GART: variants seen among roughly 807,000 people sequenced by gnomAD.
GART encodes phosphoribosylglycinamide formyltransferase, phosphoribosylglycinamide synthetase, phosphoribosylaminoimidazole synthetase.
Under a neutral mutation model 107.2 loss-of-function variants are expected in GART, and 43 were observed. The ratio of observed to expected loss-of-function variants is 0.40; its 90% CI spans 0.31 to 0.52. GART has a LOEUF of 0.52. Among genes scored for constraint, GART ranks in the 20% least tolerant of loss-of-function variants. The probability of loss-of-function intolerance (pLI) is 0.52; values close to 1 mark genes in which losing one functional copy is unlikely to be tolerated. For missense variants in GART, 1,107 were observed against 1,206.5 expected (o/e 0.92, Z 1.22); for synonymous variants, 434 against 427.0 (o/e 1.02, Z -0.20).
chr21:33,518,826 C>T, intron 14 of GART: 2 of 529,796 alleles, frequency 3.8e-6, no homozygotes, highest in South Asian at 1.4e-5. Context: ...AGATTGTCTG[C>T]ACCAAGCTGG....
At chr21:33,537,443 A>C (rs181227573) in intron 2 of GART, among the ~76,000 whole-genome samples, 6 of 152,360 alleles carry the variant, frequency 3.9e-5, no homozygotes, top group Admixed American at 3.9e-4. Context: ...AAGACAGACA[A>C]GTTCCTTGCC....
upstream of GART, chr21:33,542,440 C>T (rs1233611777): frequency 6.6e-6 from 1 of 152,586 alleles, no homozygotes; most frequent in Non-Finnish European, 1.5e-5. Flanking sequence ...AATCTCGTGA[C>T]ACGCCTGACT....
intron 3 of GART, 54 bp downstream of exon 3, chr21:33,535,171 T>G (rs2085279701): frequency 1.8e-6 from 2 of 1,113,852 alleles, no homozygotes; most frequent in Admixed American, 2.6e-5. Flanking sequence ...AGATGATCCC[T>G]AAGCTTCTGT....
At chr21:33,533,424 GA>G (rs1199501114) in intron 4 of GART, among the ~76,000 whole-genome samples, 2 of 130,718 alleles carry the variant, frequency 1.5e-5, no homozygotes, top group Non-Finnish European at 3.2e-5. Flanking sequence ...CGGCCTGGGT[GA>G]AAGAACGAGA....
At chr21:33,527,119 C>G (rs1248681683) in intron 10 of GART, among the ~76,000 whole-genome samples, 1 of 152,170 alleles carries the variant, frequency 6.6e-6, no homozygotes, top group Non-Finnish European at 1.5e-5. Context: ...TGTCCATATT[C>G]AAAAGGAATC....
chr21:33,536,570 T>C (rs1380518151), intron 2 of GART, among the ~76,000 whole-genome samples: 4 of 152,244 alleles, frequency 2.6e-5, no homozygotes, highest in African/African-American at 7.2e-5. Flanking sequence ...TTTTTTCCTA[T>C]ACATAAACAC....
chr21:33,504,133 T>C lies in GART; in HGVS notation c.3024A>G (p.Lys1008=). ...LGENGKICWV[K]EE ...TCTGAATTAAAAGGCTTCATTCCTC[T>C]TTAACCCAACAGATCTTGCCATTTT... Residue 1008 remains lysine (K), a synonymous_variant, in exon 22 of 22, where the codon AAA becomes AAG. Coordinates refer to ENST00000381815, the MANE Select transcript of GART (RefSeq NM_000819.5). 2 of 1,611,258 alleles carry C rather than the reference T, an allele frequency of 1.2e-6. No individual in the cohort carries two copies. The highest frequency in any genetic ancestry group is 3.4e-5 in the Admixed American group (2 of 59,418).
chr21:33,538,110 G>A (rs956575320), intron 2 of GART, among the ~76,000 whole-genome samples: 1 of 151,780 alleles, frequency 6.6e-6, no homozygotes, highest in African/African-American at 2.4e-5. Flanking sequence ...TGGGTGTGGC[G>A]GCATGCACCT....
In GART at chr21:33,524,236, T is replaced by C. The variant is rs564236140; in HGVS notation, c.1298+533A>G. ...GAACTATGTTTCAAATACAACACTA[T>C]GTGATAACGCAAGGAATAAAAATCA... On this transcript the variant is annotated intron_variant, in intron 11 of 21. Transcript: ENST00000381815. 117 of 985,698 alleles carry C rather than the reference T, an allele frequency of 1.2e-4. No individual in the cohort carries two copies. In the African/African-American group the frequency reaches 1.9e-3, roughly 16 times the overall value. 61.1% of individuals were successfully genotyped at this position (985,698 alleles called of 1,614,324 possible).
intron 13 of GART, 168 bp from the exon 14 acceptor site, chr21:33,520,730 A>ATTAGT (rs1479672157): frequency 3.6e-5 from 25 of 702,306 alleles, no homozygotes; most frequent in Admixed American, 2.1e-4. Flanking sequence ...CTTCCATCCA[A>ATTAGT]ATATAATCTA....
intron 5 of GART, chr21:33,532,132 T>A: frequency 2.0e-6 from 1 of 511,836 alleles, no homozygotes; most frequent in East Asian, 3.4e-5. Flanking sequence ...ATGTTACAAT[T>A]TACTTCAAAA....
intron 4 of GART, among the ~76,000 whole-genome samples, chr21:33,534,250 T>C (rs2085259160): frequency 6.6e-6 from 1 of 152,182 alleles, no homozygotes. Context: ...TCTCACTCTG[T>C]CACCCAGGCT....
In GART at chr21:33,539,303, C is replaced by G. The variant is rs2085363613; in HGVS notation, c.13G>C (p.Val5Leu). Residue 5 changes from valine (V) to leucine (L), a missense_variant, in exon 2 of 22, where the codon GTA (valine) becomes CTA (leucine). Coordinates refer to ENST00000381815, the MANE Select transcript of GART (RefSeq NM_000819.5). MAAR[V>L]LIIGSGGREH... ...CTTCCTCCACTGCCAATTATAAGTACTCGGGCTGCCATTGTTCTGTCTGTA... is the reference window on the plus strand; with the variant it reads ...CTTCCTCCACTGCCAATTATAAGTAGTCGGGCTGCCATTGTTCTGTCTGTA... 6.2e-7 allele frequency: 1 copy of G among 1,612,952 alleles called. No individual in the cohort carries two copies. Among genetic ancestry groups the G allele is most frequent in the African/African-American group, 1.3e-5 (1 of 74,814 alleles).
At chr21:33,540,522 G>A (rs1051832222) in intron 1 of GART, among the ~76,000 whole-genome samples, 4 of 152,178 alleles carry the variant, frequency 2.6e-5, no homozygotes, top group Non-Finnish European at 4.4e-5. Context: ...AATATTGGTA[G>A]AGAAGGCAAA....
At chr21:33,530,448 A>G (rs1408954296) in intron 7 of GART, among the ~76,000 whole-genome samples, 1 of 152,208 alleles carries the variant, frequency 6.6e-6, no homozygotes, top group Non-Finnish European at 1.5e-5. Flanking sequence ...TGAACCACGG[A>G]TATCCAAAGA....
At chr21:33,542,882 T>G, upstream of GART, 2 of 599,714 alleles carry the variant, frequency 3.3e-6, no homozygotes, top group Non-Finnish European at 6.0e-6. Flanking sequence ...GGCGCAAACG[T>G]CAGCACCTCT....
intron 12 of GART, 35 bp from the exon 13 acceptor site, chr21:33,521,050 T>C: frequency 6.7e-7 from 1 of 1,498,040 alleles, no homozygotes; most frequent in South Asian, 1.1e-5. Context: ...TGCTACATTT[T>C]AATAGATTAA....
intron 6 of GART, 87 bp downstream of exon 6, chr21:33,531,402 C>T (rs2085185588): frequency 2.6e-6 from 3 of 1,132,494 alleles, no homozygotes; most frequent in South Asian, 2.9e-5. Context: ...ATGAAGCAAC[C>T]AGAGTATATC....
At chr21:33,512,452 C>G in intron 16 of GART, among the ~76,000 whole-genome samples, 1 of 151,846 alleles carries the variant, frequency 6.6e-6, no homozygotes, top group African/African-American at 2.4e-5. Flanking sequence ...ATTATGGGAT[C>G]TGATTTTTTA....
Sources: allele counts gnomAD v4.1 joint callset (sites outside exome capture counted in the v4.1 genomes callset), GRCh38; gene constraint gnomAD v4.1.1; transcripts MANE v1.5; gene names NCBI Gene and HGNC (gene_info 2026-07-23, HGNC 2026-07-21).